Variants in MMAB observed in about 807,000 individuals in gnomAD.
MMAB encodes the protein metabolism of cobalamin associated B.
In MMAB, 17 loss-of-function variants were observed where a neutral mutation model predicts 30.6. The ratio of observed to expected loss-of-function variants is 0.56; its 90% confidence interval spans 0.38 to 0.83. The LOEUF (loss-of-function observed/expected upper bound fraction) is 0.83, where lower values mean the gene tolerates loss of function less well. Ranked by LOEUF, MMAB falls within the 40% of genes least tolerant of loss-of-function variation. The pLI is 0.00. For synonymous variants in MMAB, 134 were observed against 138.6 expected, an observed-to-expected ratio of 0.97 and a Z score of 0.23; for missense variants, 311 against 331.6, an observed-to-expected ratio of 0.94 and a Z score of 0.48.
In MMAB at chr12:109,553,958, A is replaced by G. The variant is rs1168183635; in HGVS notation, c.*3070T>C. ...TTCGGGCTGTGGAAATTACTCGATGAAAAACGCACATTAACGATAGCCATG... is the reference window on the plus strand; with the variant it reads ...TTCGGGCTGTGGAAATTACTCGATGGAAAACGCACATTAACGATAGCCATG... On this transcript the variant is annotated 3_prime_UTR_variant, in exon 9 of 9. Coordinates refer to ENST00000545712, the MANE Select transcript of MMAB (RefSeq NM_052845.4). 1 of 454,106 alleles carries G rather than the reference A, an allele frequency of 2.2e-6. No homozygotes were observed. Among genetic ancestry groups the G allele is most frequent in the Non-Finnish European group, 4.4e-6 (1 of 226,790 alleles). 28.1% of individuals were successfully genotyped at this position (454,106 alleles called of 1,614,324 possible). A position where few individuals can be genotyped will look rare whatever the true frequency, so the allele number is the denominator to read the frequency against.
At chr12:109,571,763 G>C in intron 1 of MMAB, 53 bp from the exon 2 acceptor site, 1 of 1,492,244 alleles carries the variant, frequency 6.7e-7, no homozygotes, top group East Asian at 2.3e-5. Flanking sequence ...TTACACAGAG[G>C]GTCAGCTCCT....
rs1422394210 is a variant in MMAB at position 109,565,122 on chromosome 12, C to A, written c.345G>T (p.Gln115His). 8 of 1,613,662 alleles carry A rather than the reference C, an allele frequency of 5.0e-6. No homozygotes were observed. The highest frequency in any genetic ancestry group is 6.8e-6 in the Non-Finnish European group (8 of 1,179,672). Residue 115 changes from glutamine to histidine, a missense_variant, in exon 4 of 9, where the codon CAG becomes CAT. By Grantham distance (24) the Gln-to-His change is conservative. Transcript: ENST00000545712. Reference sequence around the variant, plus strand: ...TGGGTGAGATGGTGTTACTCACTTTCTGAAGCTCTTCGGCAAATGTATGGC... The same window carrying A: ...TGGGTGAGATGGTGTTACTCACTTTATGAAGCTCTTCGGCAAATGTATGGC... ...EKGHTFAEEL[Q>H]KIQCTLQDVG...
chr12:109,560,069 A>G (rs1158276103), intron 7 of MMAB, among the ~76,000 whole-genome samples: 1 of 152,190 alleles, frequency 6.6e-6, no homozygotes, highest in African/African-American at 2.4e-5. Flanking sequence ...GTTTCTTGCT[A>G]TTATGAGCAC....
intron 4 of MMAB, among the ~76,000 whole-genome samples, chr12:109,564,495 C>T (rs907225478): frequency 2.9e-4 from 44 of 151,154 alleles, no homozygotes; most frequent in African/African-American, 1.1e-3. Flanking sequence ...GCGATTCTCC[C>T]ACCTCAGCCT....
At chr12:109,571,840 C>T in intron 1 of MMAB, 130 bp from the exon 2 acceptor site, 1 of 753,822 alleles carries the variant, frequency 1.3e-6, no homozygotes, top group Non-Finnish European at 2.4e-6. Flanking sequence ...CTTAGATGGT[C>T]ATCTCTTGTT....
Position 109,561,046 on chromosome 12 carries a change from TCGGC to T in MMAB, c.574_577del (p.Ala192ArgfsTer21), listed in dbSNP as rs747499304. The T allele has an allele frequency of 1.4e-6, 2 of 1,450,432 alleles. No individual in the cohort carries two copies. Among genetic ancestry groups the T allele is most frequent in the Non-Finnish European group, 1.9e-6 (2 of 1,078,866 alleles). 89.8% of individuals were successfully genotyped at this position (1,450,432 alleles called of 1,614,324 possible). ...CTCTCTCCAGCCCTCTTACCGTCTC[TCGGC>T]CCGGCGGCACACGGCCCGGCAGAAA... On this transcript the variant is annotated frameshift_variant, in exon 7 of 9. Transcript: ENST00000545712. LOFTEE classifies it high-confidence loss of function. This position sits in a 1 kb window ranked among gnomAD's most constrained non-coding sequence, Gnocchi z 5.3.
chr12:109,568,596 T>C, intron 3 of MMAB, 174 bp downstream of exon 3: 1 of 689,614 alleles, frequency 1.5e-6, no homozygotes, highest in Non-Finnish European at 2.7e-6. Flanking sequence ...GAAAGGAGTC[T>C]GCAGCCCCAC....
At position 109,555,969 on chromosome 12, in the gene MMAB, T is replaced by C; in HGVS notation, c.*1059A>G. 2 of 453,992 alleles carry C rather than the reference T, an allele frequency of 4.4e-6. No homozygotes were observed. The highest frequency in any genetic ancestry group is 3.1e-5 in the South Asian group (2 of 64,476). The allele number at this position is 453,992 out of a possible 1,614,324, so 28.1% of individuals were successfully genotyped here. On this transcript the variant is annotated 3_prime_UTR_variant, in exon 9 of 9. Transcript: ENST00000545712. Reference sequence around the variant, plus strand: ...ATGGCTGAATGGAGTTCGCCAGGCATTTCAGCCCTGAAACTGGACAAGAGC... The same window carrying C: ...ATGGCTGAATGGAGTTCGCCAGGCACTTCAGCCCTGAAACTGGACAAGAGC...
rs544696884 is a variant in MMAB at position 109,556,591 on chromosome 12, C to T, written c.*437G>A. The T allele has an allele frequency of 2.0e-5, 9 of 454,720 alleles. No individual in the cohort carries two copies. Among genetic ancestry groups the T allele is most frequent in the South Asian group, 1.2e-4 (8 of 64,454 alleles). 28.2% of individuals were successfully genotyped at this position (454,720 alleles called of 1,614,324 possible). On this transcript the variant is annotated 3_prime_UTR_variant, in exon 9 of 9. Transcript: ENST00000545712. Reference sequence around the variant, plus strand: ...AAATCACAATTACATTTTCAAGGGCCTCTGGTCCCATTCCAAATCTGTGAA... The same window carrying T: ...AAATCACAATTACATTTTCAAGGGCTTCTGGTCCCATTCCAAATCTGTGAA...
chr12:109,561,119 G>A lies in MMAB; in HGVS notation c.520-15C>T. 6.2e-7 allele frequency: 1 copy of A among 1,608,838 alleles called. No homozygotes were observed. On this transcript the variant is annotated splice_polypyrimidine_tract_variant and intron_variant, in intron 6 of 8. Coordinates refer to ENST00000545712, the MANE Select transcript of MMAB (RefSeq NM_052845.4). The surrounding 1 kb of genome is among the most constrained non-coding windows in gnomAD (Gnocchi z 5.3). ...TTGCCTCCCGACTGAAAGGAGAAAG[G>A]GACATTGCCTGAGCAGGGTGGGAAA...
At chr12:109,567,345 G>T (rs553476672) in intron 3 of MMAB, among the ~76,000 whole-genome samples, 1 of 152,160 alleles carries the variant, frequency 6.6e-6, no homozygotes, top group Non-Finnish European at 1.5e-5. Context: ...CAGAGGCCAC[G>T]TGATTTACCT....
In MMAB at chr12:109,561,053, GGCGGCACACGGCCCGGCAGAAATGCA is replaced by G. The variant is rs1566132205; in HGVS notation, c.545_570del (p.Leu182ProfsTer28). On this transcript the variant is annotated frameshift_variant, in exon 7 of 9. Transcript: ENST00000545712. LOFTEE classifies it high-confidence loss of function. The surrounding 1 kb of genome is among the most constrained non-coding windows in gnomAD (Gnocchi z 5.3). ...CAGCCCTCTTACCGTCTCTCGGCCC[GGCGGCACACGGCCCGGCAGAAATGCA>G]GCGCCGAGCTGATCTTGCCTCCCGA... 6.6e-7 allele frequency: 1 copy of G among 1,510,372 alleles called. No individual in the cohort carries two copies. Among genetic ancestry groups the G allele is most frequent in the Non-Finnish European group, 8.9e-7 (1 of 1,117,336 alleles). 93.6% of individuals were successfully genotyped at this position (1,510,372 alleles called of 1,614,324 possible).
chr12:109,557,324 T>G (rs953640921), intron 8 of MMAB, among the ~76,000 whole-genome samples, 188 bp from the exon 9 acceptor site: 1 of 152,256 alleles, frequency 6.6e-6, no homozygotes, highest in Admixed American at 6.5e-5. Flanking sequence ...CTGCTGTGAA[T>G]GCCAAGGACT....
In MMAB at chr12:109,573,393, G is replaced by T; in HGVS notation, c.88C>A (p.Pro30Thr). 6.2e-7 allele frequency: 1 copy of T among 1,612,352 alleles called. No individual in the cohort carries two copies. Among genetic ancestry groups the T allele is most frequent in the Non-Finnish European group, 8.5e-7 (1 of 1,179,772 alleles). ...TGAGGGCCGCGGCTCTGGAAACGGG[G>T]ATACAGGAGCCTGGCGGCGCCGAAG... ...GCFGAARLLYPRFQSRGPQGV... is the reference protein window; with the variant it reads ...GCFGAARLLYTRFQSRGPQGV... The change falls in exon 1 of 9, where the codon CCC (proline) becomes ACC (threonine). Residue 30 changes from proline to threonine, a missense_variant. Coordinates refer to ENST00000545712, the MANE Select transcript of MMAB (RefSeq NM_052845.4).
intron 4 of MMAB, among the ~76,000 whole-genome samples, chr12:109,562,943 G>A (rs12578365): frequency 0.17 from 25,774 of 152,172 alleles, 2,269 homozygotes; most frequent in African/African-American, 0.19. Flanking sequence ...GCCCAGCCAG[G>A]GTCCACTCAA....
chr12:109,553,982 T>A lies in MMAB; in HGVS notation c.*3046A>T, dbSNP rs1774450092. ...GAAAAACGCACATTAACGATAGCCA[T>A]GAAATATTAGTTAAGGGAAACTAGG... On this transcript the variant is annotated 3_prime_UTR_variant, in exon 9 of 9. Transcript: ENST00000545712. The A allele has an allele frequency of 2.2e-6, 1 of 454,042 alleles. No individual in the cohort carries two copies. Among genetic ancestry groups the A allele is most frequent in the Non-Finnish European group, 4.4e-6 (1 of 226,794 alleles). The allele number at this position is 454,042 out of a possible 1,614,324, so 28.1% of individuals were successfully genotyped here.
At position 109,554,542 on chromosome 12, in the gene MMAB, A is replaced by G. The variant is rs1023760388; in HGVS notation, c.*2486T>C. On this transcript the variant is annotated 3_prime_UTR_variant, in exon 9 of 9. Transcript: ENST00000545712. ...AGGGATCACGACTTTAAATAAAAAC[A>G]GGCTGCTGTTTGTTTCAAAACCCCG... is the stretch of plus-strand genomic sequence containing the variant. The G allele has an allele frequency of 4.4e-6, 2 of 454,072 alleles. No homozygotes were observed. Among genetic ancestry groups the G allele is most frequent in the African/African-American group, 4.0e-5 (2 of 50,026 alleles). The allele number at this position is 454,072 out of a possible 1,614,324, so 28.1% of individuals were successfully genotyped here.
intron 8 of MMAB, among the ~76,000 whole-genome samples, chr12:109,557,745 A>C (rs1242394010): frequency 1.3e-5 from 2 of 152,166 alleles, no homozygotes; most frequent in African/African-American, 4.8e-5. Context: ...GCACCCCTGC[A>C]CCCAGTGTGA....
chr12:109,566,009 G>A (rs1045416293), intron 3 of MMAB, among the ~76,000 whole-genome samples: 2 of 152,202 alleles, frequency 1.3e-5, no homozygotes, highest in Admixed American at 6.5e-5. Context: ...ACAGAGGTAT[G>A]GGCAGAGTTT....
Sources: allele counts gnomAD v4.1 joint callset (sites outside exome capture counted in the v4.1 genomes callset), GRCh38; gene constraint gnomAD v4.1.1; non-coding constraint Gnocchi (gnomAD v3.1); transcripts MANE v1.5; gene names NCBI Gene and HGNC (gene_info 2026-07-23, HGNC 2026-07-21).